GDAP1: variants seen among roughly 807,000 people sequenced by gnomAD.
GDAP1 encodes the protein ganglioside induced differentiation associated protein 1, also known as ganglioside-induced differentiation-associated protein 1.
GDAP1 carries 34 observed loss-of-function variants against 40.1 expected under a neutral mutation model. The observed-to-expected ratio is 0.85, with a 90% CI of 0.64 to 1.13. The LOEUF (loss-of-function observed/expected upper bound fraction) is 1.13, where lower values mean the gene tolerates loss of function less well. Among genes scored for constraint, GDAP1 ranks in the 50% most tolerant of loss-of-function variants. GDAP1 has a pLI of 0.00. For missense variants in GDAP1, 374 were observed against 433.7 expected, an observed-to-expected ratio of 0.86 and a Z score of 1.22; for synonymous variants, 170 against 157.4, an observed-to-expected ratio of 1.08 and a Z score of -0.60.
intron 2 of GDAP1, among the ~76,000 whole-genome samples, chr8:74,386,468 C>T (rs769336719): frequency 6.6e-6 from 1 of 151,870 alleles, no homozygotes; most frequent in Admixed American, 6.6e-5. Flanking sequence ...TTGCTTTTGT[C>T]AGGTTTGTCA....
intron 2 of GDAP1, among the ~76,000 whole-genome samples, chr8:74,425,858 A>G (rs1805941174): frequency 6.6e-6 from 1 of 151,932 alleles, no homozygotes; most frequent in African/African-American, 2.4e-5. Context: ...TCCTCCTTTT[A>G]TTTCCTCTTC....
intron 2 of GDAP1, among the ~76,000 whole-genome samples, chr8:74,419,695 G>T (rs1448024835): frequency 2.6e-5 from 4 of 151,624 alleles, no homozygotes. Context: ...TTCTTTTCTT[G>T]CTCATGCTTT....
At chr8:74,383,560 T>C (rs16938899) in intron 2 of GDAP1, among the ~76,000 whole-genome samples, 6,497 of 152,262 alleles carry the variant, frequency 0.043, 450 homozygotes, top group African/African-American at 0.14. Flanking sequence ...AAAAATGTGT[T>C]TCTCTAGCAA....
chr8:74,363,389 G>C (rs371117960), intron 5 of GDAP1, among the ~76,000 whole-genome samples: 24 of 152,170 alleles, frequency 1.6e-4, no homozygotes, highest in East Asian at 9.6e-4. Context: ...CTTAGGCAGG[G>C]AGACAGCCTC....
At chr8:74,400,482 C>T (rs556122274) in intron 2 of GDAP1, among the ~76,000 whole-genome samples, 3 of 149,872 alleles carry the variant, frequency 2.0e-5, no homozygotes, top group South Asian at 4.1e-4. Flanking sequence ...ATACAGCACA[C>T]TGATGGGTCT....
intron 2 of GDAP1, among the ~76,000 whole-genome samples, chr8:74,388,319 G>A (rs1049322619): frequency 5.3e-5 from 8 of 151,990 alleles, no homozygotes; most frequent in African/African-American, 1.9e-4. Flanking sequence ...GGCGTTTAGT[G>A]CTATACATTT....
At chr8:74,477,356 A>G (rs1313529701) in intron 2 of GDAP1, among the ~76,000 whole-genome samples, 2 of 152,134 alleles carry the variant, frequency 1.3e-5, no homozygotes, top group Admixed American at 6.5e-5. Context: ...TGCTTGGAGG[A>G]AAGAAGGCAC....
At chr8:74,464,542 G>A (rs984159395) in intron 2 of GDAP1, among the ~76,000 whole-genome samples, 3 of 152,208 alleles carry the variant, frequency 2.0e-5, no homozygotes, top group African/African-American at 7.2e-5. Context: ...AAGGAATAGT[G>A]TGGAAACTGA....
intron 2 of GDAP1, among the ~76,000 whole-genome samples, chr8:74,381,674 T>C (rs1208017597): frequency 3.3e-5 from 5 of 151,812 alleles, no homozygotes; most frequent in African/African-American, 1.2e-4. Context: ...GAGAATCGCT[T>C]GAACCCGGGA....
intron 2 of GDAP1, among the ~76,000 whole-genome samples, chr8:74,436,507 C>T (rs1047214175): frequency 6.6e-6 from 1 of 151,362 alleles, no homozygotes; most frequent in African/African-American, 2.4e-5. Flanking sequence ...ACTGCAACCT[C>T]CACCTCCCTG....
intron 2 of GDAP1, among the ~76,000 whole-genome samples, chr8:74,472,368 T>G (rs942443203): frequency 6.6e-6 from 1 of 152,236 alleles, no homozygotes; most frequent in Non-Finnish European, 1.5e-5. Flanking sequence ...TCCATGTCTT[T>G]GCTATTGTGA....
chr8:74,466,035 T>C (rs1221762255), intron 2 of GDAP1, among the ~76,000 whole-genome samples: 2 of 152,232 alleles, frequency 1.3e-5, no homozygotes, highest in African/African-American at 4.8e-5. Context: ...TCTCAAACTT[T>C]GGAATCAGAT....
chr8:74,388,974 C>G lies in GDAP1; in HGVS notation c.165+37653C>G, dbSNP rs59697853. ...TTTTTGATCTTTGTTGGTTTAAAGT[C>G]TGTTCTATCAGAGATTAGGATTGCA... is the stretch of plus-strand genomic sequence containing the variant. On this transcript the variant is annotated intron_variant, in intron 2 of 2. Transcript: ENST00000523640. Among the ~76,000 whole-genome samples, 649 of 152,214 alleles carry G rather than the reference C, an allele frequency of 4.3e-3. 5 individuals carry two copies. Among genetic ancestry groups the G allele is most frequent in the Middle Eastern group, 0.014 (4 of 294 alleles).
chr8:74,450,211 T>C (rs1180042206), intron 2 of GDAP1, among the ~76,000 whole-genome samples: 1 of 151,808 alleles, frequency 6.6e-6, no homozygotes, highest in African/African-American at 2.4e-5. Flanking sequence ...TTCTGTAAGA[T>C]TTTAATCTTT....
At chr8:74,371,963 C>T (rs1159087136) in intron 2 of GDAP1, among the ~76,000 whole-genome samples, 2 of 146,740 alleles carry the variant, frequency 1.4e-5, no homozygotes, top group Non-Finnish European at 3.0e-5. Context: ...GTTCCCCTTC[C>T]TGTGTCCAAG....
chr8:74,444,208 ACGCGCG>A (rs66664867), intron 2 of GDAP1, among the ~76,000 whole-genome samples: 270 of 1,578 alleles, frequency 0.17, 13 homozygotes, highest in African/African-American at 0.25. Flanking sequence ...ACACACACAC[ACGCGCG>A]CACACACACA....
rs1300145796 is a variant in GDAP1 at position 74,355,586 on chromosome 8, A to G, written c.310+4120A>G. The stretch of plus-strand genomic sequence containing the variant: ...AGCAAACTAGGTAAACTGAGAAAGA[A>G]TGGATGTGACAAGGTGAATGTACAC... On this transcript the variant is annotated intron_variant, in intron 2 of 5. Coordinates refer to ENST00000220822, the MANE Select transcript of GDAP1 (RefSeq NM_018972.4). Among the ~76,000 whole-genome samples the G allele has an allele frequency of 2.0e-5, 3 of 152,222 alleles. No homozygotes were observed. In the East Asian group the frequency reaches 5.8e-4, roughly 29 times the overall value.
Position 74,364,529 on chromosome 8 carries a change from G to A in GDAP1, c.*162G>A, listed in dbSNP as rs59242435. 204 of 767,974 alleles carry A rather than the reference G, an allele frequency of 2.7e-4. No homozygotes were observed. In the African/African-American group the frequency reaches 3.2e-3, roughly 12 times the overall value. The allele number at this position is 767,974 out of a possible 1,614,324, so 47.6% of individuals were successfully genotyped here. On this transcript the variant is annotated 3_prime_UTR_variant, in exon 6 of 6. Coordinates refer to ENST00000220822, the MANE Select transcript of GDAP1 (RefSeq NM_018972.4). The stretch of plus-strand genomic sequence containing the variant: ...AACACAGGGGTTCAGGTAGCAATAG[G>A]ACACAAAATTGCTTTATTCTACAAC...
chr8:74,454,591 G>A lies in GDAP1; in HGVS notation c.166-34087G>A, dbSNP rs141592044. 3.0e-3 allele frequency among the ~76,000 whole-genome samples: 250 copies of A among 83,476 alleles called. 94 individuals carry two copies. The highest frequency in any genetic ancestry group is 5.0e-3 in the Non-Finnish European group (206 of 40,946). The allele number at this position is 83,476 out of a possible 152,430, so 54.8% of individuals were successfully genotyped here. A position where few individuals can be genotyped will look rare whatever the true frequency, so the allele number is the denominator to read the frequency against. On this transcript the variant is annotated intron_variant, in intron 2 of 2. Transcript: ENST00000523640. ...TGCTAGATACATTCACAAGGATGGT[G>A]TTCTTCCAAATAAACTCAAGGGTAA...
Sources: gnomAD v4.1 joint callset for allele counts (sites outside exome capture counted in the v4.1 genomes callset) on GRCh38, gnomAD v4.1.1 for gene constraint, MANE v1.5 for transcripts, NCBI Gene and HGNC (gene_info 2026-07-23, HGNC 2026-07-21) for gene names.